AK1: variants seen among roughly 807,000 people sequenced by gnomAD.
AK1 encodes adenylate kinase 1, also known as adenylate kinase isoenzyme 1.
A neutral mutation model predicts 23.9 loss-of-function variants in AK1; 13 were observed. That is an observed-to-expected ratio of 0.54 (90% CI 0.35 to 0.86). The LOEUF is 0.86. Ranked by LOEUF, AK1 falls within the 40% of genes least tolerant of loss-of-function variation. The pLI, the probability that AK1 is intolerant of heterozygous loss-of-function variation, is 0.01. For missense variants in AK1, 214 were observed against 255.1 expected, an observed-to-expected ratio of 0.84 and a Z score of 1.10; for synonymous variants, 97 against 102.8, an observed-to-expected ratio of 0.94 and a Z score of 0.34.
At chr9:127,873,192 G>A in intron 2 of AK1, 131 bp from the exon 3 acceptor site, 1 of 1,541,432 alleles carries the variant, frequency 6.5e-7, no homozygotes, top group Non-Finnish European at 8.7e-7. Context: ...TGTCAGGGAG[G>A]CAGACAAGTC....
chr9:127,874,969 C>T (rs1444366577), intron 1 of AK1: 12 of 361,310 alleles, frequency 3.3e-5, no homozygotes, highest in Admixed American at 7.4e-5. Context: ...ACATAAACAG[C>T]GGCCACACAA....
chr9:127,868,936 G>A lies in AK1; in HGVS notation c.325-424C>T, dbSNP rs373604024. ...GGCAGTCTCTCTGATGCCACCCCCC[G>A]CCCCCCAGTACTCCCCGCCTCCTGG... On this transcript the variant is annotated intron_variant, in intron 5 of 6. Transcript: ENST00000644144. This position sits in a 1 kb window ranked among gnomAD's most constrained non-coding sequence, Gnocchi z 4.1. Among the ~76,000 whole-genome samples the A allele has an allele frequency of 1.3e-5, 2 of 151,918 alleles. No homozygotes were observed. The highest frequency in any genetic ancestry group is 1.9e-4 in the East Asian group (1 of 5,158).
chr9:127,874,916 G>C, intron 1 of AK1: 1 of 484,942 alleles, frequency 2.1e-6, no homozygotes, highest in East Asian at 3.8e-5. Context: ...ATCCACCTGG[G>C]TTCCCGCTGG....
chr9:127,868,190 G>T lies in AK1; in HGVS notation c.517-114C>A. The T allele has an allele frequency of 1.4e-6, 2 of 1,450,956 alleles. No individual in the cohort carries two copies. The highest frequency in any genetic ancestry group is 1.9e-6 in the Non-Finnish European group (2 of 1,048,664). The allele number at this position is 1,450,956 out of a possible 1,614,324, so 89.9% of individuals were successfully genotyped here. ...CCCGAGCCCAACCTAATTGACAGCA[G>T]CCCCTCATTGAACCAGTGGGGAAAC... On this transcript the variant is annotated intron_variant, in intron 6 of 6. Coordinates refer to ENST00000644144, the MANE Select transcript of AK1 (RefSeq NM_000476.3). This position sits in a 1 kb window ranked among gnomAD's most constrained non-coding sequence, Gnocchi z 4.1.
Position 127,871,901 on chromosome 9 carries a change from G to T in AK1, c.246C>A (p.Ala82=), listed in dbSNP as rs73669436. 1 of 1,614,050 alleles carries T rather than the reference G, an allele frequency of 6.2e-7. No individual in the cohort carries two copies. Among genetic ancestry groups the T allele is most frequent in the Admixed American group, 1.7e-5 (1 of 59,998 alleles). Reference sequence around the variant, plus strand: ...GGAAGCCTTTGGAAGTATTGACTTTGGCCACCATGGCATCCCGGAGCATGT... The same window carrying T: ...GGAAGCCTTTGGAAGTATTGACTTTTGCCACCATGGCATCCCGGAGCATGT... The part of the protein sequence containing the change: ...VLDMLRDAMV[A]KVNTSKGFLI... Residue 82 remains alanine (A), a synonymous_variant, in exon 5 of 7, where the codon GCC becomes GCA. Coordinates refer to ENST00000644144, the MANE Select transcript of AK1 (RefSeq NM_000476.3). The surrounding 1 kb of genome is among the most constrained non-coding windows in gnomAD (Gnocchi z 4.4).
At chr9:127,873,628 G>A in intron 2 of AK1, 1 of 1,411,398 alleles carries the variant, frequency 7.1e-7, no homozygotes, top group Middle Eastern at 2.6e-4. Flanking sequence ...AGAGAGGGCG[G>A]TGAGCTTGGC....
upstream of AK1, among the ~76,000 whole-genome samples, chr9:127,879,276 A>G (rs1829597986): frequency 6.6e-6 from 1 of 152,144 alleles, no homozygotes; most frequent in Non-Finnish European, 1.5e-5. Flanking sequence ...AGGAAGTCCA[A>G]GTTGTTTGTG....
intron 1 of AK1, chr9:127,874,889 G>T (rs930594047): frequency 5.7e-6 from 3 of 528,834 alleles, no homozygotes; most frequent in African/African-American, 1.9e-5. Context: ...GTCACAGAAG[G>T]GCAGTAGCCC....
At position 127,871,671 on chromosome 9, in the gene AK1, G is replaced by C. The variant is rs904576802; in HGVS notation, c.324+152C>G. 2.8e-6 allele frequency: 2 copies of C among 725,052 alleles called. No homozygotes were observed. Among genetic ancestry groups the C allele is most frequent in the African/African-American group, 3.5e-5 (2 of 56,380 alleles). The allele number at this position is 725,052 out of a possible 1,614,324, so 44.9% of individuals were successfully genotyped here. A position where few individuals can be genotyped will look rare whatever the true frequency, so the allele number is the denominator to read the frequency against. On this transcript the variant is annotated intron_variant, in intron 5 of 6. Transcript: ENST00000644144. This position sits in a 1 kb window ranked among gnomAD's most constrained non-coding sequence, Gnocchi z 4.4. The stretch of plus-strand genomic sequence containing the variant: ...ACATTTTCTTCTACACTTCCAGAAA[G>C]TCTTCCTGGTTTTCCTCCTCACCCA...
rs370179913 is a variant in AK1, at chr9:127,872,748, C to T, written c.149G>A (p.Gly50Asp). ...CGACAGCTTCTTGCCCCTGGCCGAG[C>T]CTGAGCTGACCTCGGACCGCAGGAG... The part of the protein sequence containing the change: ...GDLLRSEVSS[G>D]SARGKKLSEI... Residue 50 changes from glycine to aspartate, a missense_variant, in exon 4 of 7, where the codon GGC (glycine) becomes GAC (aspartate). By Grantham distance (94) the Gly-to-Asp change is moderately conservative (BLOSUM62 -1). Transcript: ENST00000644144. 1.7e-4 allele frequency: 274 copies of T among 1,614,058 alleles called. No homozygotes were observed. Among genetic ancestry groups the T allele is most frequent in the Non-Finnish European group, 2.2e-4 (260 of 1,180,028 alleles).
chr9:127,874,135 A>T, intron 2 of AK1: 12 of 985,452 alleles, frequency 1.2e-5, no homozygotes, highest in Non-Finnish European at 1.4e-5. Context: ...TGGTGCTGCC[A>T]GCAGCTGAGG....
Position 127,868,400 on chromosome 9 carries a change from A to G in AK1, c.437T>C (p.Ile146Thr). ...GTAATAGGTCTCCAGCCGCTTTTTGATGGTCTCCTCATTGTCGTCCACACG... is the reference window on the plus strand; with the variant it reads ...GTAATAGGTCTCCAGCCGCTTTTTGGTGGTCTCCTCATTGTCGTCCACACG... ...SGRVDDNEET[I>T]KKRLETYYKA... Residue 146 changes from isoleucine to threonine, a missense_variant, in exon 6 of 7, where the codon ATC becomes ACC. Coordinates refer to ENST00000644144, the MANE Select transcript of AK1 (RefSeq NM_000476.3). This position sits in a 1 kb window ranked among gnomAD's most constrained non-coding sequence, Gnocchi z 4.1. 6.2e-7 allele frequency: 1 copy of G among 1,612,514 alleles called. No homozygotes were observed.
chr9:127,872,440 G>T (rs530120319), intron 4 of AK1, among the ~76,000 whole-genome samples: 1 of 152,190 alleles, frequency 6.6e-6, no homozygotes, highest in Non-Finnish European at 1.5e-5. Flanking sequence ...GCTAGTCTGA[G>T]GGGACAGAGG....
At chr9:127,874,881 C>T in intron 1 of AK1, 1 of 538,172 alleles carries the variant, frequency 1.9e-6, no homozygotes, top group South Asian at 2.0e-5. Context: ...CCTCACCTGT[C>T]ACAGAAGGGC....
chr9:127,878,060 G>A (rs1252042363), upstream of AK1, among the ~76,000 whole-genome samples: 5 of 152,238 alleles, frequency 3.3e-5, no homozygotes, highest in Non-Finnish European at 7.3e-5. Context: ...ATTGGTGCCA[G>A]AGAGAGGCCA....
Position 127,868,423 on chromosome 9 carries a change from A to T in AK1, c.414T>A (p.Arg138=), listed in dbSNP as rs1588612123. 6.2e-7 allele frequency: 1 copy of T among 1,611,942 alleles called. No homozygotes were observed. Among genetic ancestry groups the T allele is most frequent in the Non-Finnish European group, 8.5e-7 (1 of 1,179,214 alleles). ...TGATGGTCTCCTCATTGTCGTCCACACGCCCGCTGGTCTCTCCACGTTTCA... is the reference window on the plus strand; with the variant it reads ...TGATGGTCTCCTCATTGTCGTCCACTCGCCCGCTGGTCTCTCCACGTTTCA... ...RLLKRGETSG[R]VDDNEETIKK... The change falls in exon 6 of 7, where the codon CGT becomes CGA. Residue 138 remains arginine, a synonymous_variant. Coordinates refer to ENST00000644144, the MANE Select transcript of AK1 (RefSeq NM_000476.3). This position sits in a 1 kb window ranked among gnomAD's most constrained non-coding sequence, Gnocchi z 4.1.
intron 1 of AK1, among the ~76,000 whole-genome samples, chr9:127,875,815 C>T (rs938171995): frequency 6.6e-6 from 1 of 152,158 alleles, no homozygotes; most frequent in African/African-American, 2.4e-5. Flanking sequence ...CTGCCCAACC[C>T]TCCCCTCCCC....
intron 1 of AK1, chr9:127,875,084 A>G (rs1418410391): frequency 8.3e-6 from 2 of 241,894 alleles, no homozygotes; most frequent in Non-Finnish European, 1.7e-5. Flanking sequence ...AGCTGCCAGG[A>G]GGTGGGAGGT....
chr9:127,870,545 G>GTGGTACCACACAGC (rs1829369820), intron 5 of AK1, among the ~76,000 whole-genome samples: 1 of 152,164 alleles, frequency 6.6e-6, no homozygotes, highest in Non-Finnish European at 1.5e-5. Flanking sequence ...AGGGTCACAG[G>GTGGTACCACACAGC]TGGTACCACA....
Sources: allele counts gnomAD v4.1 joint callset (sites outside exome capture counted in the v4.1 genomes callset), GRCh38; gene constraint gnomAD v4.1.1; non-coding constraint Gnocchi (gnomAD v3.1); transcripts MANE v1.5; gene names NCBI Gene and HGNC (gene_info 2026-07-23, HGNC 2026-07-21).